The following OTUD7A variants were observed in gnomAD, a reference collection of about 807,000 sequenced individuals.
OTUD7A encodes the protein OTU domain-containing protein 7A.
In OTUD7A, 12 loss-of-function variants were observed where a neutral mutation model predicts 65.7. The observed-to-expected ratio is 0.18, with a 90% CI of 0.12 to 0.30. OTUD7A has a LOEUF of 0.30. OTUD7A is among the 10% of genes least tolerant of loss of function. The pLI, the probability that OTUD7A is intolerant of heterozygous loss-of-function variation, is 1.00. For synonymous variants in OTUD7A, 641 were observed against 586.3 expected (o/e 1.09, Z -1.35); for missense variants, 1,148 against 1,304.8 (o/e 0.88, Z 1.85).
intron 8 of OTUD7A, among the ~76,000 whole-genome samples, 179 bp from the exon 9 acceptor site, chr15:31,503,997 G>A (rs2041516412): frequency 6.6e-6 from 1 of 152,190 alleles, no homozygotes; most frequent in East Asian, 1.9e-4. Flanking sequence ...CAAATGCACA[G>A]GTCCCAGCTC....
intron 1 of OTUD7A, among the ~76,000 whole-genome samples, chr15:31,851,384 C>T (rs189441310): frequency 6.6e-6 from 1 of 152,268 alleles, no homozygotes; most frequent in East Asian, 1.9e-4. Context: ...AGGTAGCAGG[C>T]AACCTATGAA....
intron 1 of OTUD7A, among the ~76,000 whole-genome samples, chr15:31,815,039 T>G (rs1214447480): frequency 1.3e-5 from 2 of 152,178 alleles, no homozygotes; most frequent in African/African-American, 2.4e-5. Context: ...CCAGGCTTGC[T>G]GCAAAGGAGA....
intron 3 of OTUD7A, among the ~76,000 whole-genome samples, chr15:31,619,692 A>G (rs1890714428): frequency 6.6e-6 from 1 of 152,102 alleles, no homozygotes. Context: ...TTTTCTAGAT[A>G]TACAATCATG....
intron 10 of OTUD7A, among the ~76,000 whole-genome samples, chr15:31,500,549 G>A (rs533008208): frequency 3.3e-5 from 5 of 152,248 alleles, no homozygotes; most frequent in Non-Finnish European, 5.9e-5. Context: ...TGCCAGGCCA[G>A]GAAGTGACAC....
At chr15:31,733,725 G>A (rs1246502458) in intron 1 of OTUD7A, among the ~76,000 whole-genome samples, 1 of 152,216 alleles carries the variant, frequency 6.6e-6, no homozygotes, top group Non-Finnish European at 1.5e-5. Flanking sequence ...CATGGGGTCA[G>A]CTATAGACAG....
In OTUD7A at chr15:31,487,514, T is replaced by G; in HGVS notation, c.1224A>C (p.Ala408=). The change falls in exon 11 of 13, where the codon GCA becomes GCC. Residue 408 remains alanine, a synonymous_variant. Coordinates refer to ENST00000307050, the MANE Select transcript of OTUD7A (RefSeq NM_001382637.1). The surrounding 1 kb of genome is among the most constrained non-coding windows in gnomAD (Gnocchi z 6.0). ...SEHKLLPLHF[A]VDPGKDWEWG... is the part of the protein sequence containing the mutation. ...ACTCCCAGTCCTTGCCAGGGTCCAC[T>G]GCAAAGTGCAGAGGCAGCAGCTTGT... is the stretch of plus-strand genomic sequence containing the variant. 5 of 1,614,004 alleles carry G rather than the reference T, an allele frequency of 3.1e-6. No individual in the cohort carries two copies. The highest frequency in any genetic ancestry group is 4.2e-6 in the Non-Finnish European group (5 of 1,180,000).
intron 4 of OTUD7A, among the ~76,000 whole-genome samples, chr15:31,559,775 C>T (rs1254972060): frequency 6.6e-6 from 1 of 152,194 alleles, no homozygotes; most frequent in Non-Finnish European, 1.5e-5. Flanking sequence ...ACAGGACACA[C>T]AGCGCACATA....
In OTUD7A at chr15:31,524,341, A is replaced by G. The variant is rs553393556; in HGVS notation, c.893+2008T>C. Among the ~76,000 whole-genome samples the G allele has an allele frequency of 3.9e-5, 6 of 152,246 alleles. No homozygotes were observed. In the South Asian group the frequency reaches 1.2e-3, roughly 32 times the overall value. ...GAGCCTGGTCAAAAGAGGAGACTTAATGATCAGACCAAATTTTGACTTTTT... is the reference window on the plus strand; with the variant it reads ...GAGCCTGGTCAAAAGAGGAGACTTAGTGATCAGACCAAATTTTGACTTTTT... On this transcript the variant is annotated intron_variant, in intron 8 of 12. Coordinates refer to ENST00000307050, the MANE Select transcript of OTUD7A (RefSeq NM_001382637.1).
intron 1 of OTUD7A, among the ~76,000 whole-genome samples, chr15:31,739,034 G>A (rs753226613): frequency 2.8e-5 from 2 of 71,228 alleles, no homozygotes; most frequent in African/African-American, 4.7e-5. Context: ...GAAAGGCCAC[G>A]GTCTTATGAA....
At chr15:31,514,488 C>T (rs1422883968) in intron 8 of OTUD7A, among the ~76,000 whole-genome samples, 1 of 152,190 alleles carries the variant, frequency 6.6e-6, no homozygotes, top group South Asian at 2.1e-4. Context: ...ATCTTTCTCT[C>T]CCTCTCAATA....
At chr15:31,838,958 A>C (rs1266669457) in intron 1 of OTUD7A, among the ~76,000 whole-genome samples, 1 of 152,186 alleles carries the variant, frequency 6.6e-6, no homozygotes, top group Non-Finnish European at 1.5e-5. Flanking sequence ...ATCCACAAAT[A>C]CCATAACAGA....
At chr15:31,841,830 G>T (rs1284196148) in intron 1 of OTUD7A, among the ~76,000 whole-genome samples, 1 of 152,134 alleles carries the variant, frequency 6.6e-6, no homozygotes, top group Non-Finnish European at 1.5e-5. Context: ...TGGAGAGATG[G>T]AATATGTCCT....
intron 1 of OTUD7A, among the ~76,000 whole-genome samples, chr15:31,847,931 C>CCACTCACTAT (rs1897327041): frequency 6.6e-6 from 1 of 152,118 alleles, no homozygotes; most frequent in African/African-American, 2.4e-5. Context: ...TCGTGAGAAC[C>CCACTCACTAT]CACTCACTAT....
rs573396054 is a variant in OTUD7A at position 31,592,224 on chromosome 15, ATACAT to A, written c.152-22032_152-22028del. 3.8e-3 allele frequency among the ~76,000 whole-genome samples: 572 copies of A among 152,238 alleles called. 5 individuals are homozygous for A. The highest frequency in any genetic ancestry group is 0.012 in the African/African-American group (517 of 41,550). ...TAATTTAATTTTTTCTTTCTCAACAATACATTAAACTTAGCTTACTTTATTTTATA... is the reference window on the plus strand; with the variant it reads ...TAATTTAATTTTTTCTTTCTCAACAATAAACTTAGCTTACTTTATTTTATA... On this transcript the variant is annotated intron_variant, in intron 3 of 12. Coordinates refer to ENST00000307050, the MANE Select transcript of OTUD7A (RefSeq NM_001382637.1).
chr15:31,662,953 T>C (rs925126030), intron 1 of OTUD7A, among the ~76,000 whole-genome samples: 1 of 152,222 alleles, frequency 6.6e-6, no homozygotes, highest in African/African-American at 2.4e-5. Flanking sequence ...GCTAAATTTA[T>C]ATCTTGCTAT....
intron 1 of OTUD7A, among the ~76,000 whole-genome samples, chr15:31,746,935 G>T (rs968000058): frequency 6.6e-6 from 1 of 152,172 alleles, no homozygotes; most frequent in Non-Finnish European, 1.5e-5. Context: ...CTTGGTAGGG[G>T]TGTCATTTAT....
At chr15:31,859,513 C>T (rs975134101) in intron 1 of OTUD7A, among the ~76,000 whole-genome samples, 1 of 152,214 alleles carries the variant, frequency 6.6e-6, no homozygotes, top group Non-Finnish European at 1.5e-5. Context: ...TACCAGTTCA[C>T]CTTGCAGATG....
rs780804078 is a variant in OTUD7A, at chr15:31,484,443, G to A, written c.1653C>T (p.Gly551=). 1 of 1,603,738 alleles carries A rather than the reference G, an allele frequency of 6.2e-7. No homozygotes were observed. Among genetic ancestry groups the A allele is most frequent in the Non-Finnish European group, 8.5e-7 (1 of 1,179,906 alleles). Residue 551 remains glycine, a synonymous_variant, in exon 13 of 13, where the codon GGC becomes GGT. Coordinates refer to ENST00000307050, the MANE Select transcript of OTUD7A (RefSeq NM_001382637.1). The surrounding 1 kb of genome is among the most constrained non-coding windows in gnomAD (Gnocchi z 4.5). Reference sequence around the variant, plus strand: ...TCTTGCCATTGGCGGAGTTGGCGCGGCCCATCTTGCCGTGCACCAGGCCGC... The same window carrying A: ...TCTTGCCATTGGCGGAGTTGGCGCGACCCATCTTGCCGTGCACCAGGCCGC... ...GLGGLVHGKM[G]RANSANGKNG... is the part of the protein sequence containing the mutation.
intron 4 of OTUD7A, among the ~76,000 whole-genome samples, chr15:31,566,811 G>A (rs1297356833): frequency 6.6e-6 from 1 of 152,148 alleles, no homozygotes; most frequent in Non-Finnish European, 1.5e-5. Context: ...GCCATGTAAA[G>A]TGCCTGTTCC....
Sources: gnomAD v4.1 joint callset for allele counts (sites outside exome capture counted in the v4.1 genomes callset) on GRCh38, gnomAD v4.1.1 for gene constraint, Gnocchi (gnomAD v3.1) non-coding constraint, MANE v1.5 for transcripts, NCBI Gene and HGNC (gene_info 2026-07-23, HGNC 2026-07-21) for gene names.